SCAF11: variants seen among roughly 807,000 people sequenced by gnomAD.
SCAF11 encodes SR-related CTD associated factor 11.
In SCAF11, 47 loss-of-function variants were observed where a neutral mutation model predicts 140.5. The ratio of observed to expected loss-of-function variants is 0.33; its 90% CI spans 0.26 to 0.43. The LOEUF (loss-of-function observed/expected upper bound fraction) is 0.43. SCAF11 is among the 20% of genes least tolerant of loss of function. The probability of loss-of-function intolerance (pLI) is 1.00; values close to 1 mark genes in which losing one functional copy is unlikely to be tolerated. For missense variants in SCAF11, 1,645 were observed against 1,705.1 expected, an observed-to-expected ratio of 0.96 and a Z score of 0.62; for synonymous variants, 557 against 579.4, an observed-to-expected ratio of 0.96 and a Z score of 0.55.
In SCAF11 at chr12:45,964,699, T is replaced by C. The variant is rs142744626; in HGVS notation, c.-21-511A>G. Among the ~76,000 whole-genome samples the C allele has an allele frequency of 7.1e-4, 108 of 151,772 alleles. 1 individual carries two copies. The South Asian group carries it at 0.021, about 30-fold the overall frequency. ...AAAAACGGAAAGGAAAAGCCTTTTA[T>C]AACTATTAAGCAACAAAGCCTAAAT... On this transcript the variant is annotated intron_variant, in intron 1 of 14. Transcript: ENST00000369367.
At position 45,926,571 on chromosome 12, in the gene SCAF11, C is replaced by G. The variant is rs373532309; in HGVS notation, c.3130G>C (p.Glu1044Gln). The change falls in exon 11 of 15, where the codon GAG becomes CAG. Residue 1044 changes from glutamate to glutamine, a missense_variant. Physicochemically the swap from Glu to Gln is conservative, Grantham distance 29. Coordinates refer to ENST00000369367, the MANE Select transcript of SCAF11 (RefSeq NM_004719.3). ...PRTRNPEKLK[E>Q]SHWEENRNEN... ...TTTCTATTTTCTTCCCAATGAGACT[C>G]TTTCAACTTTTCTGGATTTCTGGTT... 6.6e-5 allele frequency: 107 copies of G among 1,613,242 alleles called. No homozygotes were observed. The East Asian group carries it at 1.0e-3, about 15-fold the overall frequency.
chr12:45,945,703 ATT>A (rs1394726811), intron 5 of SCAF11, among the ~76,000 whole-genome samples: 1 of 151,606 alleles, frequency 6.6e-6, no homozygotes, highest in East Asian at 1.9e-4. Context: ...TGTCAGGTTA[ATT>A]TTTTCTATTT....
Position 45,926,221 on chromosome 12 carries a change from G to C in SCAF11, c.3480C>G (p.Asn1160Lys), listed in dbSNP as rs983611440. The change falls in exon 11 of 15, where the codon AAC becomes AAG. Residue 1160 changes from asparagine (N) to lysine (K), a missense_variant. By Grantham distance (94) the Asn-to-Lys change is moderately conservative. Coordinates refer to ENST00000369367, the MANE Select transcript of SCAF11 (RefSeq NM_004719.3). The stretch of plus-strand genomic sequence containing the variant: ...AATTTCTGCCTCGTCGTGAGTAGTA[G>C]TTTTGTACATCTGCTGGCAAAGTCT... ...VRKTLPADVQ[N>K]YYSRRGRNSS... The C allele has an allele frequency of 6.2e-7, 1 of 1,614,040 alleles. No individual in the cohort carries two copies. Among genetic ancestry groups the C allele is most frequent in the Non-Finnish European group, 8.5e-7 (1 of 1,180,022 alleles).
At chr12:45,969,126 A>T (rs1185141123) in intron 1 of SCAF11, among the ~76,000 whole-genome samples, 1 of 152,220 alleles carries the variant, frequency 6.6e-6, no homozygotes, top group African/African-American at 2.4e-5. Flanking sequence ...CTATTTAAAA[A>T]TATATTTAAT....
In SCAF11 at chr12:45,990,024, G is replaced by A. The variant is rs1213089751; in HGVS notation, c.-22+329C>T. Among the ~76,000 whole-genome samples, 8 of 150,396 alleles carry A rather than the reference G, an allele frequency of 5.3e-5. No individual in the cohort carries two copies. In the East Asian group the frequency reaches 1.6e-3, roughly 30 times the overall value. ...ACCCGGACGGGGACAGGCTTCGCCA[G>A]CTAAGGCGGCGGGAGACGCGTAGGC... On this transcript the variant is annotated intron_variant, in intron 1 of 14. Coordinates refer to ENST00000369367, the MANE Select transcript of SCAF11 (RefSeq NM_004719.3).
At chr12:45,977,552 T>C (rs1466655515) in intron 1 of SCAF11, among the ~76,000 whole-genome samples, 1 of 152,102 alleles carries the variant, frequency 6.6e-6, no homozygotes. Flanking sequence ...CTCAAAAAGC[T>C]CAATTTTACT....
intron 1 of SCAF11, 68 bp from the exon 2 acceptor site, chr12:45,964,256 T>A (rs1178779693): frequency 2.7e-6 from 2 of 751,746 alleles, no homozygotes; most frequent in Non-Finnish European, 4.3e-6. Flanking sequence ...TAAAAAAAAA[T>A]CCTAAACTGT....
At chr12:45,964,928 A>AGT (rs71724498) in intron 1 of SCAF11, among the ~76,000 whole-genome samples, 223 of 150,494 alleles carry the variant, frequency 1.5e-3, no homozygotes, top group South Asian at 3.4e-3. Flanking sequence ...AGTGGGTGAA[A>AGT]GTGTGTGTGT....
At chr12:45,980,721 T>A (rs1946331292) in intron 1 of SCAF11, among the ~76,000 whole-genome samples, 1 of 152,182 alleles carries the variant, frequency 6.6e-6, no homozygotes, top group African/African-American at 2.4e-5. Context: ...TGGTAATAAA[T>A]AGCAGCTAAC....
intron 1 of SCAF11, among the ~76,000 whole-genome samples, chr12:45,987,761 G>T (rs1946493056): frequency 6.6e-6 from 1 of 152,168 alleles, no homozygotes; most frequent in Non-Finnish European, 1.5e-5. Context: ...ACTGAGAAGG[G>T]AAGCCATTTG....
rs1946571285 is a variant in SCAF11 at position 45,990,472 on chromosome 12, G to C, written c.-141C>G. 3.2e-6 allele frequency: 4 copies of C among 1,231,304 alleles called. No homozygotes were observed. Among genetic ancestry groups the C allele is most frequent in the South Asian group, 4.1e-5 (1 of 24,314 alleles). 76.3% of individuals were successfully genotyped at this position (1,231,304 alleles called of 1,614,324 possible). ...CCTTCGTCCGCTTTGTGGTGTTACA[G>C]GGTCTCTAGGACACTGACTCCGCTG... On this transcript the variant is annotated 5_prime_UTR_variant, in exon 1 of 15. Coordinates refer to ENST00000369367, the MANE Select transcript of SCAF11 (RefSeq NM_004719.3).
chr12:45,942,133 ATGTTATC>A (rs1365428520), intron 6 of SCAF11, among the ~76,000 whole-genome samples: 1 of 152,250 alleles, frequency 6.6e-6, no homozygotes, highest in African/African-American at 2.4e-5. Context: ...TCAACTGTTT[ATGTTATC>A]TGTAAGGTTT....
At position 45,972,901 on chromosome 12, in the gene SCAF11, T is replaced by TATATATAGATATAGATATCG. The variant is rs1565688822; in HGVS notation, c.-21-8714_-21-8713insCGATATCTATATCTATATAT. On this transcript the variant is annotated intron_variant, in intron 1 of 14. Coordinates refer to ENST00000369367, the MANE Select transcript of SCAF11 (RefSeq NM_004719.3). ...ATATAGATATATATATAGATATATATATATATAGATATATATATAGATATA... is the reference window on the plus strand; with the variant it reads ...ATATAGATATATATATAGATATATATATATATAGATATAGATATCGATATATAGATATATATATAGATATA... 2.5e-3 allele frequency among the ~76,000 whole-genome samples: 65 copies of TATATATAGATATAGATATCG among 26,504 alleles called. 4 individuals carry two copies. Among genetic ancestry groups the TATATATAGATATAGATATCG allele is most frequent in the South Asian group, 4.9e-3 (4 of 816 alleles). The allele number at this position is 26,504 out of a possible 152,430, so 17.4% of individuals were successfully genotyped here.
At chr12:45,931,470 A>G (rs754603513) in intron 10 of SCAF11, 36 bp downstream of exon 10, 2 of 1,096,512 alleles carry the variant, frequency 1.8e-6, no homozygotes, top group Non-Finnish European at 2.5e-6. Context: ...TAATAATAAT[A>G]ATTTTTAAAA....
intron 11 of SCAF11, 145 bp downstream of exon 11, chr12:45,925,997 A>G: frequency 1.3e-6 from 1 of 741,000 alleles, no homozygotes; most frequent in East Asian, 2.8e-5. Context: ...ATATATTTAT[A>G]TAATGCTAAG....
At position 45,928,843 on chromosome 12, in the gene SCAF11, T is replaced by C. The variant is rs1229524142; in HGVS notation, c.858A>G (p.Gly286=). The change falls in exon 11 of 15, where the codon GGA becomes GGG. Residue 286 remains glycine (G), a synonymous_variant. Transcript: ENST00000369367. The stretch of plus-strand genomic sequence containing the variant: ...CTTCTTGAGTATGTGCTAATGCATA[T>C]CCCTTGCAAGAAGTACCTAATAATA... The part of the protein sequence containing the change: ...SFEHFGTSCK[G]YALAHTQEGE... The C allele has an allele frequency of 6.4e-7, 1 of 1,559,086 alleles. No homozygotes were observed. Among genetic ancestry groups the C allele is most frequent in the South Asian group, 1.2e-5 (1 of 81,406 alleles).
At chr12:45,952,041 G>A (rs1344352266) in intron 3 of SCAF11, among the ~76,000 whole-genome samples, 1 of 152,092 alleles carries the variant, frequency 6.6e-6, no homozygotes, top group Non-Finnish European at 1.5e-5. Context: ...TGTAAAGCTG[G>A]CTGTTACACT....
intron 6 of SCAF11, among the ~76,000 whole-genome samples, chr12:45,940,026 A>G (rs1442239334): frequency 6.6e-6 from 1 of 152,190 alleles, no homozygotes; most frequent in Non-Finnish European, 1.5e-5. Flanking sequence ...TGACAGACTC[A>G]TTTCTGCCCC....
chr12:45,927,022 T>C lies in SCAF11; in HGVS notation c.2679A>G (p.Arg893=). 6.2e-7 allele frequency: 1 copy of C among 1,613,920 alleles called. No homozygotes were observed. The change falls in exon 11 of 15, where the codon AGA becomes AGG. Residue 893 remains arginine, a synonymous_variant. Coordinates refer to ENST00000369367, the MANE Select transcript of SCAF11 (RefSeq NM_004719.3). ...AAGAATCTTTCACTCTTGGCTGAGATCTTTTGTTCTCTCTAGAAGTTTCTC... is the reference window on the plus strand; with the variant it reads ...AAGAATCTTTCACTCTTGGCTGAGACCTTTTGTTCTCTCTAGAAGTTTCTC... The part of the protein sequence containing the change: ...PRRETSRENK[R]SQPRVKDSSP...
Sources: gnomAD v4.1 joint callset for allele counts (sites outside exome capture counted in the v4.1 genomes callset) on GRCh38, gnomAD v4.1.1 for gene constraint, MANE v1.5 for transcripts, NCBI Gene and HGNC (gene_info 2026-07-23, HGNC 2026-07-21) for gene names.